ARHGAP18: variants seen among roughly 807,000 people sequenced by gnomAD.
ARHGAP18 encodes the protein Rho GTPase activating protein 18.
A neutral mutation model predicts 86.2 loss-of-function variants in ARHGAP18; 67 were observed. The ratio of observed to expected loss-of-function variants is 0.78; its 90% confidence interval spans 0.64 to 0.95. The LOEUF (loss-of-function observed/expected upper bound fraction) is 0.95, where lower values mean the gene tolerates loss of function less well. Among genes scored for constraint, ARHGAP18 ranks in the 40% least tolerant of loss-of-function variants. The pLI is 0.00. For synonymous variants in ARHGAP18, 283 were observed against 280.4 expected (o/e 1.01, Z -0.09); for missense variants, 691 against 780.4 (o/e 0.89, Z 1.37).
At chr6:129,633,266 TA>T (rs10713691) in intron 4 of ARHGAP18, among the ~76,000 whole-genome samples, 73,603 of 132,234 alleles carry the variant, frequency 0.56, 20,427 homozygotes, top group African/African-American at 0.67. Flanking sequence ...TGTCTCTACT[TA>T]AAAAAAAAAA....
intron 10 of ARHGAP18, among the ~76,000 whole-genome samples, chr6:129,605,654 T>C (rs1325938125): frequency 6.6e-6 from 1 of 151,966 alleles, no homozygotes; most frequent in Admixed American, 6.6e-5. Context: ...GAAGAAGAAA[T>C]GTTACAGTGA....
At chr6:129,704,229 G>A (rs1774767040) in intron 1 of ARHGAP18, among the ~76,000 whole-genome samples, 1 of 152,098 alleles carries the variant, frequency 6.6e-6, no homozygotes, top group Non-Finnish European at 1.5e-5. Context: ...CGGATCACTT[G>A]AGGTCAGGAG....
intron 1 of ARHGAP18, among the ~76,000 whole-genome samples, chr6:129,683,229 G>T (rs1584111642): frequency 6.6e-6 from 1 of 151,870 alleles, no homozygotes; most frequent in Non-Finnish European, 1.5e-5. Context: ...TCGCCACCAC[G>T]CCCGGCTAAC....
intron 5 of ARHGAP18, among the ~76,000 whole-genome samples, chr6:129,623,740 C>A (rs921111250): frequency 6.6e-6 from 1 of 152,004 alleles, no homozygotes; most frequent in South Asian, 2.1e-4. Flanking sequence ...AGAAGACAAA[C>A]GGACTAAAAA....
Position 129,610,355 on chromosome 6 carries a change from T to A in ARHGAP18, c.1122+1178A>T, listed in dbSNP as rs994589012. On this transcript the variant is annotated intron_variant, in intron 8 of 14. Transcript: ENST00000368149. ...CAGGCCAAAAAGTGAGGCACAAAGA[T>A]GACAGCAGGAGGACACGTGGTACCC... 2.6e-5 allele frequency among the ~76,000 whole-genome samples: 4 copies of A among 152,176 alleles called. No homozygotes were observed. In the East Asian group the frequency reaches 7.7e-4, roughly 29 times the overall value.
chr6:129,629,466 C>T lies in ARHGAP18; in HGVS notation c.673G>A (p.Ala225Thr). Reference sequence around the variant, plus strand: ...TCCAGGTTGATGTCTGTTTCAGGGGCAGGCGTCTCCTCAGGTGGGATCAGC... The same window carrying T: ...TCCAGGTTGATGTCTGTTTCAGGGGTAGGCGTCTCCTCAGGTGGGATCAGC... Reference protein sequence around the residue: ...EKLIPPEETPAPETDINLEVS... With the variant: ...EKLIPPEETPTPETDINLEVS... The change falls in exon 5 of 15, where the codon GCC (alanine) becomes ACC (threonine). Residue 225 changes from alanine to threonine, a missense_variant. Coordinates refer to ENST00000368149, the MANE Select transcript of ARHGAP18 (RefSeq NM_033515.3). 6.2e-7 allele frequency: 1 copy of T among 1,613,826 alleles called. No homozygotes were observed. The highest frequency in any genetic ancestry group is 8.5e-7 in the Non-Finnish European group (1 of 1,179,888).
At chr6:129,607,755 G>T in intron 9 of ARHGAP18, 138 bp downstream of exon 9, 2 of 820,054 alleles carry the variant, frequency 2.4e-6, no homozygotes, top group African/African-American at 1.8e-5. Flanking sequence ...TGGCAGCTGA[G>T]CACCCACTGA....
intron 5 of ARHGAP18, among the ~76,000 whole-genome samples, chr6:129,625,582 A>G (rs1314681908): frequency 2.9e-5 from 2 of 69,624 alleles, no homozygotes; most frequent in Non-Finnish European, 5.1e-5. Flanking sequence ...TATACATTAT[A>G]TATTATATAT....
At chr6:129,615,766 A>G (rs1046758328) in intron 7 of ARHGAP18, among the ~76,000 whole-genome samples, 2 of 152,230 alleles carry the variant, frequency 1.3e-5, no homozygotes, top group African/African-American at 4.8e-5. Flanking sequence ...CAGTTTAGCA[A>G]TCATTTTCTA....
chr6:129,596,637 T>C (rs557221095), intron 12 of ARHGAP18, among the ~76,000 whole-genome samples: 2 of 152,312 alleles, frequency 1.3e-5, no homozygotes, highest in South Asian at 4.1e-4. Context: ...TGGCACACAG[T>C]AGGCACATAT....
At chr6:129,609,649 C>T (rs1788937222) in intron 8 of ARHGAP18, among the ~76,000 whole-genome samples, 1 of 152,064 alleles carries the variant, frequency 6.6e-6, no homozygotes, top group African/African-American at 2.4e-5. Context: ...CACACAATGT[C>T]CACTAGTGGC....
chr6:129,632,342 C>A (rs777592421), intron 4 of ARHGAP18, among the ~76,000 whole-genome samples: 1 of 152,208 alleles, frequency 6.6e-6, no homozygotes, highest in Non-Finnish European at 1.5e-5. Flanking sequence ...GCAAGTTTGT[C>A]ACATTTCACT....
chr6:129,580,279 G>T (rs778063945), intron 13 of ARHGAP18, 148 bp from the exon 14 acceptor site: 3 of 640,296 alleles, frequency 4.7e-6, no homozygotes, highest in Non-Finnish European at 8.2e-6. Context: ...TTTCCCATCT[G>T]TTAAATGTAC....
chr6:129,681,925 T>G (rs1774331046), intron 1 of ARHGAP18, among the ~76,000 whole-genome samples: 1 of 152,214 alleles, frequency 6.6e-6, no homozygotes, highest in Non-Finnish European at 1.5e-5. Context: ...AGTCTATTGT[T>G]TCCTCTCTGC....
At chr6:129,626,851 T>C (rs1789486162) in intron 5 of ARHGAP18, among the ~76,000 whole-genome samples, 1 of 152,130 alleles carries the variant, frequency 6.6e-6, no homozygotes, top group South Asian at 2.1e-4. Context: ...TCATCTGCCA[T>C]TTCCTGAGAA....
intron 7 of ARHGAP18, among the ~76,000 whole-genome samples, 197 bp downstream of exon 7, chr6:129,616,015 C>T (rs1026609705): frequency 6.6e-6 from 1 of 152,116 alleles, no homozygotes; most frequent in African/African-American, 2.4e-5. Flanking sequence ...ATCACAGTTA[C>T]AGTAATAACA....
chr6:129,629,841 A>G (rs968548830), intron 4 of ARHGAP18, among the ~76,000 whole-genome samples: 1 of 152,198 alleles, frequency 6.6e-6, no homozygotes, highest in African/African-American at 2.4e-5. Flanking sequence ...AAAGGTTTTG[A>G]AGTATTAATT....
chr6:129,683,063 T>C (rs12215655), intron 1 of ARHGAP18, among the ~76,000 whole-genome samples: 2 of 149,846 alleles, frequency 1.3e-5, no homozygotes, highest in African/African-American at 2.5e-5. Context: ...TTCTTTTTTT[T>C]TTTTTGTTTT....
At chr6:129,603,000 T>TAC (rs1788778904) in intron 10 of ARHGAP18, among the ~76,000 whole-genome samples, 1 of 151,048 alleles carries the variant, frequency 6.6e-6, no homozygotes, top group Non-Finnish European at 1.5e-5. Context: ...TATATATATA[T>TAC]ATATAATTTC....
Sources: gnomAD v4.1 joint callset for allele counts (sites outside exome capture counted in the v4.1 genomes callset) on GRCh38, gnomAD v4.1.1 for gene constraint, MANE v1.5 for transcripts, NCBI Gene and HGNC (gene_info 2026-07-23, HGNC 2026-07-21) for gene names.